Variants in RCAN2 observed in about 807,000 individuals in gnomAD.
RCAN2 encodes calcipressin-2.
Under a neutral mutation model 23.6 loss-of-function variants are expected in RCAN2, and 9 were observed. The observed-to-expected ratio is 0.38, with a 90% CI of 0.23 to 0.67. The LOEUF (loss-of-function observed/expected upper bound fraction) is 0.67. RCAN2 is among the 30% of genes least tolerant of loss of function. The pLI, the probability that RCAN2 is intolerant of heterozygous loss-of-function variation, is 0.51. For synonymous variants in RCAN2, 109 were observed against 115.7 expected (o/e 0.94, Z 0.37); for missense variants, 273 against 302.3 (o/e 0.90, Z 0.72).
At chr6:46,448,275 T>C (rs1205728360) in intron 2 of RCAN2, among the ~76,000 whole-genome samples, 3 of 151,718 alleles carry the variant, frequency 2.0e-5, no homozygotes, top group Non-Finnish European at 3.0e-5. Flanking sequence ...CTACGAAGAC[T>C]GAATCACGAA....
chr6:46,326,337 C>T (rs138679382), intron 2 of RCAN2, among the ~76,000 whole-genome samples: 7 of 152,294 alleles, frequency 4.6e-5, no homozygotes, highest in Admixed American at 2.6e-4. Flanking sequence ...ATATTTCACA[C>T]GGGGACAGAT....
rs79273635 is a variant in RCAN2, at chr6:46,232,235, G to A, written c.572-8934C>T. On this transcript the variant is annotated intron_variant, in intron 4 of 4. Coordinates refer to ENST00000371374, the MANE Select transcript of RCAN2 (RefSeq NM_001251974.2). ...GGGAAGTTGCAAACTACGCATATGC[G>A]GTATAGTGCTGTATGTATCGATGCT... Among the ~76,000 whole-genome samples, 322 of 152,352 alleles carry A rather than the reference G, an allele frequency of 2.1e-3. 2 individuals carry two copies. The highest frequency in any genetic ancestry group is 6.8e-3 in the African/African-American group (282 of 41,574).
intron 1 of RCAN2, among the ~76,000 whole-genome samples, chr6:46,480,145 C>A (rs770978166): frequency 1.1e-4 from 17 of 152,140 alleles, no homozygotes; most frequent in Non-Finnish European, 1.8e-4. Context: ...GCTGTGGTGA[C>A]AAAGAGATCA....
At chr6:46,472,735 CT>C (rs1351208035) in intron 1 of RCAN2, among the ~76,000 whole-genome samples, 2 of 152,108 alleles carry the variant, frequency 1.3e-5, no homozygotes, top group African/African-American at 4.8e-5. Context: ...AGTAGAATTT[CT>C]TGAATGATTG....
chr6:46,480,762 A>G (rs1561922743), intron 1 of RCAN2, among the ~76,000 whole-genome samples: 1 of 152,088 alleles, frequency 6.6e-6, no homozygotes, highest in African/African-American at 2.4e-5. Context: ...AGTAGCTGAG[A>G]TTACAGGCAC....
At chr6:46,476,886 T>G (rs1025365249) in intron 1 of RCAN2, among the ~76,000 whole-genome samples, 1 of 152,272 alleles carries the variant, frequency 6.6e-6, no homozygotes, top group African/African-American at 2.4e-5. Context: ...GGGTTAAAAC[T>G]TTCGGTCCCC....
chr6:46,466,760 A>G (rs1262833086), intron 1 of RCAN2, among the ~76,000 whole-genome samples: 1 of 152,224 alleles, frequency 6.6e-6, no homozygotes, highest in East Asian at 1.9e-4. Flanking sequence ...TCAACGCTGA[A>G]AAAAATCACA....
rs1006887333 is a variant in RCAN2 at position 46,222,220 on chromosome 6, C to A, written c.*921G>T. The stretch of plus-strand genomic sequence containing the variant: ...TATATGAAGGCATTCATAAGCAATG[C>A]ACATTATGTTTTGAAGCAGCTAATT... On this transcript the variant is annotated 3_prime_UTR_variant, in exon 5 of 5. Coordinates refer to ENST00000371374, the MANE Select transcript of RCAN2 (RefSeq NM_001251974.2). 1.3e-5 allele frequency: 5 copies of A among 378,652 alleles called. No homozygotes were observed. Among genetic ancestry groups the A allele is most frequent in the Admixed American group, 4.5e-5 (1 of 22,134 alleles). The allele number at this position is 378,652 out of a possible 1,614,324, so 23.5% of individuals were successfully genotyped here. A position where few individuals can be genotyped will look rare whatever the true frequency, so the allele number is the denominator to read the frequency against.
chr6:46,285,809 C>T (rs1762357903), intron 2 of RCAN2, among the ~76,000 whole-genome samples: 1 of 152,024 alleles, frequency 6.6e-6, no homozygotes, highest in South Asian at 2.1e-4. Flanking sequence ...GTAGGATGTG[C>T]AGATTTGTTA....
chr6:46,404,740 A>G (rs1766349262), intron 2 of RCAN2, among the ~76,000 whole-genome samples: 1 of 152,230 alleles, frequency 6.6e-6, no homozygotes, highest in Admixed American at 6.5e-5. Flanking sequence ...TGGTAGAGAA[A>G]TGGAGGTCAG....
chr6:46,361,636 T>C (rs563655246), intron 2 of RCAN2, among the ~76,000 whole-genome samples: 16 of 152,328 alleles, frequency 1.1e-4, no homozygotes, highest in African/African-American at 3.4e-4. Context: ...ACACTTTTTA[T>C]AGCATACTTT....
At chr6:46,322,775 A>G (rs1737559371) in intron 2 of RCAN2, among the ~76,000 whole-genome samples, 2 of 152,128 alleles carry the variant, frequency 1.3e-5, no homozygotes. Flanking sequence ...TGAAGAAGGA[A>G]CTCTTGGCTC....
chr6:46,234,590 C>T (rs1766024808), intron 4 of RCAN2, among the ~76,000 whole-genome samples: 1 of 152,234 alleles, frequency 6.6e-6, no homozygotes, highest in African/African-American at 2.4e-5. Flanking sequence ...GCTCACTCCT[C>T]TGCCAGTATT....
intron 4 of RCAN2, among the ~76,000 whole-genome samples, chr6:46,240,012 G>A (rs1340797732): frequency 2.0e-5 from 3 of 152,130 alleles, no homozygotes; most frequent in African/African-American, 7.2e-5. Flanking sequence ...GATAAAGAGG[G>A]AGAGCGACCA....
intron 2 of RCAN2, among the ~76,000 whole-genome samples, chr6:46,400,015 A>C (rs1327098951): frequency 6.6e-6 from 1 of 152,184 alleles, no homozygotes. Context: ...ACCTCCTCAC[A>C]TAAGACCATG....
intron 1 of RCAN2, among the ~76,000 whole-genome samples, chr6:46,490,947 C>A (rs1769122824): frequency 6.6e-6 from 1 of 151,810 alleles, no homozygotes; most frequent in Non-Finnish European, 1.5e-5. Context: ...TCCGTCCCCA[C>A]GGCCGCAGCC....
chr6:46,228,644 C>T (rs1765765925), intron 4 of RCAN2, among the ~76,000 whole-genome samples: 1 of 152,096 alleles, frequency 6.6e-6, no homozygotes, highest in African/African-American at 2.4e-5. Context: ...CTTCCTCCAT[C>T]TCTTTATTTT....
intron 2 of RCAN2, among the ~76,000 whole-genome samples, chr6:46,270,284 G>A (rs981881970): frequency 2.0e-5 from 3 of 152,196 alleles, no homozygotes; most frequent in Non-Finnish European, 2.9e-5. Context: ...TCTGAGGGCT[G>A]CAGGAGTGCC....
intron 2 of RCAN2, among the ~76,000 whole-genome samples, chr6:46,427,835 TA>T (rs1443121342): frequency 6.6e-6 from 1 of 152,254 alleles, no homozygotes; most frequent in Admixed American, 6.5e-5. Flanking sequence ...TGATTCCACA[TA>T]AGTGATTTCT....
Sources: gnomAD v4.1 joint callset for allele counts (sites outside exome capture counted in the v4.1 genomes callset) on GRCh38, gnomAD v4.1.1 for gene constraint, MANE v1.5 for transcripts, NCBI Gene and HGNC (gene_info 2026-07-23, HGNC 2026-07-21) for gene names.